Variants in GARIN1A observed in about 807,000 individuals in gnomAD.
GARIN1A encodes Golgi-associated RAB2 interactor protein 1A.
the GARIN1A span, among the ~76,000 whole-genome samples, chr7:128,707,798 T>C: frequency 6.6e-6 from 1 of 152,150 alleles, no homozygotes; most frequent in Non-Finnish European, 1.5e-5. Context: ...AGTATTTGTC[T>C]TTTTGTGTCT....
At chr7:128,673,612 C>G in the GARIN1A span, among the ~76,000 whole-genome samples, 60 of 152,274 alleles carry the variant, frequency 3.9e-4, no homozygotes, top group African/African-American at 1.3e-3. Flanking sequence ...AAGGTGGGAA[C>G]AGTTTGAGGT....
At chr7:128,706,764 T>G in the GARIN1A span, among the ~76,000 whole-genome samples, 1 of 152,190 alleles carries the variant, frequency 6.6e-6, no homozygotes, top group South Asian at 2.1e-4. Context: ...ATCTGCCTCA[T>G]CCTTCATCCC....
At chr7:128,677,683 T>C in the GARIN1A span, 4 of 1,613,726 alleles carry the variant, frequency 2.5e-6, no homozygotes, top group East Asian at 2.2e-5. Flanking sequence ...CACCCAGAGA[T>C]TGTGTTTCAA....
chr7:128,672,142 G>A, the GARIN1A span: 115,873 of 411,824 alleles, frequency 0.28, 17,647 homozygotes, highest in East Asian at 0.47. Flanking sequence ...GGTGGAAAGA[G>A]GGAGAAAAGA....
At chr7:128,689,285 C>T in the GARIN1A span, among the ~76,000 whole-genome samples, 2 of 152,010 alleles carry the variant, frequency 1.3e-5, no homozygotes, top group Non-Finnish European at 2.9e-5. Context: ...CGAGGAGCCC[C>T]TCTGCCCGGC....
chr7:128,698,742 C>T, the GARIN1A span, among the ~76,000 whole-genome samples: 1 of 152,182 alleles, frequency 6.6e-6, no homozygotes, highest in Admixed American at 6.5e-5. Context: ...TGCCACCACA[C>T]TTGGCTAATT....
chr7:128,681,124 G>A, the GARIN1A span, among the ~76,000 whole-genome samples: 30 of 152,206 alleles, frequency 2.0e-4, 1 homozygote, highest in Admixed American at 1.3e-4. Context: ...CTGGCTTTCT[G>A]GGCAGGCCAC....
chr7:128,708,317 G>A, the GARIN1A span, among the ~76,000 whole-genome samples: 1 of 151,828 alleles, frequency 6.6e-6, no homozygotes, highest in South Asian at 2.1e-4. Context: ...GTGAGTCATT[G>A]CACCGGGCCA....
At chr7:128,683,292 C>T in the GARIN1A span, 2 of 659,672 alleles carry the variant, frequency 3.0e-6, no homozygotes, top group Non-Finnish European at 4.9e-6. Context: ...TTCTCTACTT[C>T]CACCAATAAA....
chr7:128,694,536 A>T, the GARIN1A span, among the ~76,000 whole-genome samples: 1 of 128,614 alleles, frequency 7.8e-6, no homozygotes, highest in East Asian at 2.3e-4. Flanking sequence ...TCTGTCTCAA[A>T]AAAAAAAAGA....
chr7:128,689,813 C>A, the GARIN1A span, among the ~76,000 whole-genome samples: 1 of 148,578 alleles, frequency 6.7e-6, no homozygotes, highest in Non-Finnish European at 1.5e-5. Context: ...CCCAGCCAGC[C>A]GCCCCGTCCG....
At chr7:128,705,656 T>G in the GARIN1A span, among the ~76,000 whole-genome samples, 4 of 1,074 alleles carry the variant, frequency 3.7e-3, no homozygotes, top group African/African-American at 7.1e-3. Context: ...TTTTTTGGTG[T>G]TTTTTTTTTT....
the GARIN1A span, among the ~76,000 whole-genome samples, chr7:128,701,787 A>C: frequency 3.9e-5 from 6 of 152,306 alleles, no homozygotes; most frequent in East Asian, 1.2e-3. Context: ...AACAAAGAAC[A>C]GGGGAGCTGA....
chr7:128,704,171 C>T, the GARIN1A span, among the ~76,000 whole-genome samples: 33 of 124,828 alleles, frequency 2.6e-4, no homozygotes, highest in Non-Finnish European at 3.8e-4. Context: ...TGGTCCCCAA[C>T]CTTTTTGGCA....
the GARIN1A span, among the ~76,000 whole-genome samples, chr7:128,673,786 G>T: frequency 6.6e-6 from 1 of 152,116 alleles, no homozygotes; most frequent in Non-Finnish European, 1.5e-5. Flanking sequence ...AACCTGAGGC[G>T]AGCTCATTCC....
chr7:128,673,843 C>T, the GARIN1A span, among the ~76,000 whole-genome samples: 1 of 152,118 alleles, frequency 6.6e-6, no homozygotes, highest in East Asian at 1.9e-4. Context: ...GAAGTCCAGT[C>T]TCAGGATCCA....
the GARIN1A span, among the ~76,000 whole-genome samples, chr7:128,689,036 C>T: frequency 1.3e-5 from 2 of 151,830 alleles, no homozygotes; most frequent in African/African-American, 2.4e-5. Context: ...CTCCTAACCT[C>T]GAGTGATCCG....
At chr7:128,677,811 A>G in the GARIN1A span, 4 of 1,613,072 alleles carry the variant, frequency 2.5e-6, no homozygotes, top group Non-Finnish European at 3.4e-6. Context: ...CACAGAAACA[A>G]CAGTAAGTGG....
At chr7:128,687,961 C>G in the GARIN1A span, 3 of 152,116 alleles carry the variant, frequency 2.0e-5, no homozygotes, top group African/African-American at 7.2e-5. Context: ...TATTGTTACG[C>G]CTTGACATCC....
Sources: gnomAD v4.1 joint callset for allele counts (sites outside exome capture counted in the v4.1 genomes callset) on GRCh38, gnomAD v4.1.1 for gene constraint, MANE v1.5 for transcripts, NCBI Gene and HGNC (gene_info 2026-07-23, HGNC 2026-07-21) for gene names.